Variants in PTPRJ observed in about 807,000 individuals in gnomAD.
PTPRJ encodes the protein protein tyrosine phosphatase receptor type J.
In PTPRJ, 129 loss-of-function variants were observed where a neutral mutation model predicts 141.3. The observed-to-expected ratio is 0.91, with a 90% CI of 0.79 to 1.06. The LOEUF (loss-of-function observed/expected upper bound fraction) is 1.06. Among genes scored for constraint, PTPRJ ranks in the 50% least tolerant of loss-of-function variants. The probability of loss-of-function intolerance (pLI) is 0.00; values close to 1 mark genes in which losing one functional copy is unlikely to be tolerated. For missense variants in PTPRJ, 1,601 were observed against 1,679.7 expected (o/e 0.95, Z 0.82); for synonymous variants, 610 against 640.5 (o/e 0.95, Z 0.72).
intron 1 of PTPRJ, among the ~76,000 whole-genome samples, chr11:47,996,368 G>A (rs1854336776): frequency 6.6e-6 from 1 of 151,620 alleles, no homozygotes; most frequent in African/African-American, 2.4e-5. Context: ...AGGAACTTGG[G>A]AAAGAGCATG....
chr11:48,111,609 T>C (rs1856443654), intron 2 of PTPRJ, among the ~76,000 whole-genome samples: 6 of 152,184 alleles, frequency 3.9e-5, no homozygotes, highest in Admixed American at 3.9e-4. Flanking sequence ...AACTGGTGGG[T>C]ACCTTGTACA....
intron 12 of PTPRJ, among the ~76,000 whole-genome samples, chr11:48,144,069 C>T (rs953219398): frequency 3.9e-5 from 6 of 152,028 alleles, no homozygotes; most frequent in African/African-American, 7.2e-5. Context: ...CCTCTGCCCA[C>T]TCTCTCCTAC....
At chr11:48,101,580 A>G (rs574081571) in intron 1 of PTPRJ, among the ~76,000 whole-genome samples, 1 of 152,218 alleles carries the variant, frequency 6.6e-6, no homozygotes, top group African/African-American at 2.4e-5. Context: ...TGGAACTTGG[A>G]AGCTGGTTTC....
In PTPRJ at chr11:48,006,577, A is replaced by G. The variant is rs1854629520; in HGVS notation, c.96+25569A>G. ...TTTGGACCTGAGCCTTTGTTTCTGC[A>G]AAGAGTCTGGTACTGACTCACACAG... On this transcript the variant is annotated intron_variant, in intron 1 of 24. Transcript: ENST00000418331. 2.2e-5 allele frequency among the ~76,000 whole-genome samples: 3 copies of G among 134,162 alleles called. No homozygotes were observed. The East Asian group carries it at 5.8e-4, about 26-fold the overall frequency. The allele number at this position is 134,162 out of a possible 152,430, so 88.0% of individuals were successfully genotyped here.
intron 1 of PTPRJ, among the ~76,000 whole-genome samples, chr11:48,098,140 C>T (rs574482850): frequency 1.3e-5 from 2 of 152,280 alleles, no homozygotes; most frequent in African/African-American, 2.4e-5. Context: ...TTGGTGTCCG[C>T]GCATGCCTAT....
chr11:48,040,938 G>C (rs945925808), intron 1 of PTPRJ, among the ~76,000 whole-genome samples: 5 of 151,918 alleles, frequency 3.3e-5, no homozygotes, highest in African/African-American at 9.7e-5. Flanking sequence ...GCCGTGGAGA[G>C]CTCCGGGTTG....
intron 4 of PTPRJ, 114 bp from the exon 5 acceptor site, chr11:48,123,499 C>T: frequency 2.7e-6 from 3 of 1,092,880 alleles, no homozygotes; most frequent in Non-Finnish European, 3.8e-6. Context: ...TGACCTCAGT[C>T]ATTCTTTCTT....
At chr11:48,092,754 C>T (rs1855904477) in intron 1 of PTPRJ, among the ~76,000 whole-genome samples, 1 of 152,100 alleles carries the variant, frequency 6.6e-6, no homozygotes, top group South Asian at 2.1e-4. Context: ...TGAAAATATT[C>T]CACCTATAAG....
At chr11:48,075,136 T>TTTAG (rs933027603) in intron 1 of PTPRJ, among the ~76,000 whole-genome samples, 24 of 152,260 alleles carry the variant, frequency 1.6e-4, no homozygotes, top group Admixed American at 1.2e-3. Context: ...TATTTATTTA[T>TTTAG]TTAGTTAGTT....
chr11:47,984,435 A>G (rs945154156), intron 1 of PTPRJ, among the ~76,000 whole-genome samples: 5 of 152,182 alleles, frequency 3.3e-5, no homozygotes, highest in Admixed American at 3.3e-4. Context: ...ATATAATGCC[A>G]CTGATGATAT....
intron 1 of PTPRJ, among the ~76,000 whole-genome samples, chr11:47,986,551 C>T (rs1854055483): frequency 4.6e-5 from 7 of 152,170 alleles, no homozygotes; most frequent in Admixed American, 4.6e-4. Flanking sequence ...GAGTCTCACT[C>T]TGTTGCTTAG....
intron 1 of PTPRJ, among the ~76,000 whole-genome samples, chr11:48,024,302 A>G (rs1853746768): frequency 6.6e-6 from 1 of 152,062 alleles, no homozygotes; most frequent in Non-Finnish European, 1.5e-5. Flanking sequence ...TGTTCAAGGA[A>G]TTCTCCTGTC....
intron 19 of PTPRJ, 140 bp from the exon 20 acceptor site, chr11:48,155,661 T>C: frequency 1.5e-6 from 1 of 670,478 alleles, no homozygotes; most frequent in African/African-American, 1.8e-5. Flanking sequence ...AGGTGGTCTA[T>C]ATGAAATGCC....
At chr11:48,126,775 AACACACACACACAC>A (rs10599361) in intron 6 of PTPRJ, among the ~76,000 whole-genome samples, 23,667 of 137,158 alleles carry the variant, frequency 0.17, 2,156 homozygotes, top group African/African-American at 0.26. Flanking sequence ...AGTCTGTTGC[AACACACACACACAC>A]ACACACACAC....
At chr11:47,984,401 A>G (rs1401584337) in intron 1 of PTPRJ, among the ~76,000 whole-genome samples, 1 of 152,146 alleles carries the variant, frequency 6.6e-6, no homozygotes, top group African/African-American at 2.4e-5. Context: ...GATAAGAGGC[A>G]ATTTTCTGTG....
chr11:48,032,052 C>G (rs540728906), intron 1 of PTPRJ, among the ~76,000 whole-genome samples: 1 of 152,142 alleles, frequency 6.6e-6, no homozygotes, highest in African/African-American at 2.4e-5. Context: ...AGTGTCCAGC[C>G]CAGTGCCCAG....
At position 48,125,119 on chromosome 11, in the gene PTPRJ, T is replaced by A. The variant is rs1353021424; in HGVS notation, c.1026T>A (p.Asn342Lys). 6.2e-7 allele frequency: 1 copy of A among 1,613,970 alleles called. No homozygotes were observed. The highest frequency in any genetic ancestry group is 1.7e-5 in the Admixed American group (1 of 60,014). ...LVGLEPGTRY[N>K]ATVYSQAANG... The stretch of plus-strand genomic sequence containing the variant: ...GGTTAGAGCCTGGCACCCGATACAA[T>A]GCCACCGTTTATTCCCAAGCAGCGA... Residue 342 changes from asparagine (N) to lysine (K), a missense_variant, in exon 6 of 25, where the codon AAT becomes AAA. Transcript: ENST00000418331.
rs1856418868 is a variant in PTPRJ at position 48,110,804 on chromosome 11, C to G, written c.115+728C>G. On this transcript the variant is annotated intron_variant, in intron 2 of 24. Coordinates refer to ENST00000418331, the MANE Select transcript of PTPRJ (RefSeq NM_002843.4). ...GAGACCTGGACTCCCGCATGTTTTG[C>G]TTTCATGCACAGGGCTGAGTCCCAA... Among the ~76,000 whole-genome samples, 4 of 152,170 alleles carry G rather than the reference C, an allele frequency of 2.6e-5. No homozygotes were observed. In the South Asian group the frequency reaches 8.3e-4, roughly 31 times the overall value.
intron 6 of PTPRJ, among the ~76,000 whole-genome samples, chr11:48,125,539 G>C (rs942810585): frequency 5.3e-5 from 8 of 152,182 alleles, no homozygotes; most frequent in African/African-American, 1.9e-4. Flanking sequence ...TTTGCTTTGA[G>C]TTAAGAAAGT....
Sources: gnomAD v4.1 joint callset for allele counts (sites outside exome capture counted in the v4.1 genomes callset) on GRCh38, gnomAD v4.1.1 for gene constraint, MANE v1.5 for transcripts, NCBI Gene and HGNC (gene_info 2026-07-23, HGNC 2026-07-21) for gene names.